WDFY2: variants seen among roughly 807,000 people sequenced by gnomAD.
The protein encoded by WDFY2 is WD repeat and FYVE domain-containing protein 2.
Under a neutral mutation model 56.4 loss-of-function variants are expected in WDFY2, and 36 were observed. The ratio of observed to expected loss-of-function variants is 0.64; its 90% confidence interval spans 0.49 to 0.84. The LOEUF (loss-of-function observed/expected upper bound fraction) is 0.84. Among genes scored for constraint, WDFY2 ranks in the 40% least tolerant of loss-of-function variants. The pLI, the probability that WDFY2 is intolerant of heterozygous loss-of-function variation, is 0.00. For synonymous variants in WDFY2, 176 were observed against 183.7 expected (o/e 0.96, Z 0.34); for missense variants, 444 against 512.2 (o/e 0.87, Z 1.29).
intron 1 of WDFY2, chr13:51,589,010 T>G (rs1953996292): frequency 6.6e-6 from 1 of 152,142 alleles, no homozygotes. Flanking sequence ...AGGACCAATT[T>G]ATACAACATA....
intron 6 of WDFY2, among the ~76,000 whole-genome samples, chr13:51,736,697 T>G (rs1952844877): frequency 1.3e-5 from 2 of 152,210 alleles, no homozygotes; most frequent in Admixed American, 1.3e-4. Flanking sequence ...TTCATCATAT[T>G]GGCCAGGCTG....
intron 1 of WDFY2, among the ~76,000 whole-genome samples, chr13:51,634,534 G>T (rs1255841605): frequency 6.6e-6 from 1 of 152,110 alleles, no homozygotes; most frequent in Non-Finnish European, 1.5e-5. Context: ...AGGCAGCCAG[G>T]TGCAATGGCT....
chr13:51,700,675 T>C (rs562409911), intron 3 of WDFY2, among the ~76,000 whole-genome samples: 1 of 152,294 alleles, frequency 6.6e-6, no homozygotes, highest in East Asian at 1.9e-4. Context: ...AATATTAAAG[T>C]AATATTATGG....
intron 1 of WDFY2, among the ~76,000 whole-genome samples, chr13:51,611,395 AAG>A (rs1470047210): frequency 3.3e-5 from 5 of 152,224 alleles, no homozygotes; most frequent in Non-Finnish European, 7.3e-5. Context: ...TTTTTAAAAA[AAG>A]AATATCCTTT....
At chr13:51,616,928 G>A (rs1042308432) in intron 1 of WDFY2, among the ~76,000 whole-genome samples, 24 of 152,184 alleles carry the variant, frequency 1.6e-4, no homozygotes, top group African/African-American at 2.4e-4. Context: ...TAAGAAATAC[G>A]TAAGAAATGG....
intron 3 of WDFY2, among the ~76,000 whole-genome samples, chr13:51,680,367 G>A (rs1266812063): frequency 6.6e-6 from 1 of 152,162 alleles, no homozygotes; most frequent in Non-Finnish European, 1.5e-5. Context: ...CTCCCAAGTA[G>A]CTGGGATTAC....
chr13:51,638,694 T>G (rs978930404), intron 1 of WDFY2, among the ~76,000 whole-genome samples: 6 of 152,226 alleles, frequency 3.9e-5, no homozygotes, highest in African/African-American at 1.4e-4. Flanking sequence ...CATAACTCCT[T>G]GAAAGTATGC....
At chr13:51,601,109 C>T (rs1593861356) in intron 1 of WDFY2, among the ~76,000 whole-genome samples, 3 of 152,164 alleles carry the variant, frequency 2.0e-5, no homozygotes, top group African/African-American at 7.2e-5. Context: ...ATTTTCTAAA[C>T]TCCAAGTAAA....
intron 3 of WDFY2, among the ~76,000 whole-genome samples, chr13:51,686,013 C>T (rs1200179368): frequency 6.6e-6 from 1 of 152,080 alleles, no homozygotes; most frequent in Non-Finnish European, 1.5e-5. Flanking sequence ...CCTTTCTTCC[C>T]AACACTCTGA....
At chr13:51,717,123 A>G (rs547377487) in intron 4 of WDFY2, among the ~76,000 whole-genome samples, 5 of 152,320 alleles carry the variant, frequency 3.3e-5, no homozygotes, top group Non-Finnish European at 7.3e-5. Flanking sequence ...AAGGCAAGAA[A>G]GATGTCCCCC....
At chr13:51,745,973 C>CTTTTTTTTTTT (rs59572351) in intron 7 of WDFY2, among the ~76,000 whole-genome samples, 77 of 100,692 alleles carry the variant, frequency 7.6e-4, no homozygotes, top group African/African-American at 1.0e-3. Context: ...TTTTCTTTTT[C>CTTTTTTTTTTT]TTTTTTTTTT....
At chr13:51,600,546 A>G (rs770449401) in intron 1 of WDFY2, among the ~76,000 whole-genome samples, 2 of 152,200 alleles carry the variant, frequency 1.3e-5, no homozygotes, top group Non-Finnish European at 2.9e-5. Flanking sequence ...CAGTCTAGAT[A>G]AGCAGGGAGA....
intron 1 of WDFY2, among the ~76,000 whole-genome samples, chr13:51,635,196 G>A (rs1955022544): frequency 6.6e-6 from 1 of 152,022 alleles, no homozygotes; most frequent in South Asian, 2.1e-4. Flanking sequence ...TGCCCATCTC[G>A]GCCTCCCAAA....
chr13:51,756,310 C>T, intron 9 of WDFY2, 22 bp from the exon 10 acceptor site: 1 of 1,606,766 alleles, frequency 6.2e-7, no homozygotes, highest in Admixed American at 1.7e-5. Context: ...TGATGAGTAT[C>T]TATTTTATCT....
At chr13:51,723,400 C>T (rs1417671466) in intron 5 of WDFY2, among the ~76,000 whole-genome samples, 2 of 152,086 alleles carry the variant, frequency 1.3e-5, no homozygotes, top group Admixed American at 1.3e-4. Context: ...TAGACAAGAT[C>T]CACACATTGC....
At chr13:51,684,351 A>G (rs1377168505) in intron 3 of WDFY2, among the ~76,000 whole-genome samples, 5 of 151,342 alleles carry the variant, frequency 3.3e-5, no homozygotes, top group Admixed American at 1.3e-4. Context: ...GAGTCATATC[A>G]TGGTTGAGTA....
intron 1 of WDFY2, chr13:51,588,933 CTA>C (rs1953994848): frequency 6.6e-6 from 1 of 152,122 alleles, no homozygotes; most frequent in South Asian, 2.1e-4. Flanking sequence ...GGAGAGATAA[CTA>C]TAGAGAAGAA....
intron 4 of WDFY2, among the ~76,000 whole-genome samples, chr13:51,718,331 A>G (rs1045317797): frequency 6.6e-6 from 1 of 152,150 alleles, no homozygotes; most frequent in African/African-American, 2.4e-5. Context: ...ATAAAATAAG[A>G]AGGCAAAAAT....
intron 1 of WDFY2, among the ~76,000 whole-genome samples, chr13:51,633,003 T>G (rs1267678873): frequency 6.6e-6 from 1 of 152,130 alleles, no homozygotes; most frequent in Non-Finnish European, 1.5e-5. Context: ...CAGCTTAGAG[T>G]TCTAATAGTT....
Sources: gnomAD v4.1 joint callset for allele counts (sites outside exome capture counted in the v4.1 genomes callset) on GRCh38, gnomAD v4.1.1 for gene constraint, MANE v1.5 for transcripts, NCBI Gene and HGNC (gene_info 2026-07-23, HGNC 2026-07-21) for gene names.